THUMPD2: variants seen among roughly 807,000 people sequenced by gnomAD.
THUMPD2 encodes the protein THUMP domain 2 tRNA and snRNA guanosine methyltransferase.
Under a neutral mutation model 49.4 loss-of-function variants are expected in THUMPD2, and 56 were observed. The ratio of observed to expected loss-of-function variants is 1.13; its 90% CI spans 0.91 to 1.41. The LOEUF (loss-of-function observed/expected upper bound fraction) is 1.41, where lower values mean the gene tolerates loss of function less well. Ranked by LOEUF, THUMPD2 falls within the 40% of genes most tolerant of loss-of-function variation. The pLI, the probability that THUMPD2 is intolerant of heterozygous loss-of-function variation, is 0.00. For missense variants in THUMPD2, 709 were observed against 594.5 expected (o/e 1.19, Z -2.00); for synonymous variants, 237 against 205.2 (o/e 1.15, Z -1.32).
At chr2:39,751,613 T>C (rs1675411043) in intron 8 of THUMPD2, among the ~76,000 whole-genome samples, 1 of 152,156 alleles carries the variant, frequency 6.6e-6, no homozygotes, top group Non-Finnish European at 1.5e-5. Flanking sequence ...ATAATATTCA[T>C]TTGATTCTAA....
At chr2:39,767,020 G>T (rs1223412459) in intron 4 of THUMPD2, among the ~76,000 whole-genome samples, 1 of 152,144 alleles carries the variant, frequency 6.6e-6, no homozygotes, top group Non-Finnish European at 1.5e-5. Context: ...ATTAAGAATA[G>T]CCTCTCCCAC....
At chr2:39,748,408 AT>A (rs1463626340) in intron 8 of THUMPD2, among the ~76,000 whole-genome samples, 1 of 152,182 alleles carries the variant, frequency 6.6e-6, no homozygotes, top group South Asian at 2.1e-4. Context: ...TTCTGTGTAT[AT>A]TTTAAAAAGA....
At chr2:39,747,970 C>T (rs1322412706) in intron 8 of THUMPD2, among the ~76,000 whole-genome samples, 1 of 152,126 alleles carries the variant, frequency 6.6e-6, no homozygotes, top group Non-Finnish European at 1.5e-5. Flanking sequence ...GAGATTCTTT[C>T]CATACCATAT....
intron 8 of THUMPD2, among the ~76,000 whole-genome samples, chr2:39,746,836 C>G (rs888102668): frequency 4.6e-5 from 7 of 152,116 alleles, no homozygotes; most frequent in African/African-American, 1.7e-4. Context: ...GTTCATTGAG[C>G]ACTTTTATAA....
At chr2:39,755,758 GA>G (rs776088034) in intron 7 of THUMPD2, 130 bp downstream of exon 7, 5 of 681,518 alleles carry the variant, frequency 7.3e-6, no homozygotes, top group Non-Finnish European at 1.2e-5. Flanking sequence ...CATCTATTTT[GA>G]GTAAATAATA....
chr2:39,749,072 T>C (rs1388870098), intron 8 of THUMPD2, among the ~76,000 whole-genome samples: 1 of 152,170 alleles, frequency 6.6e-6, no homozygotes, highest in African/African-American at 2.4e-5. Flanking sequence ...AATTATGAAT[T>C]ATATGGGTAT....
Position 39,771,534 on chromosome 2 carries a change from A to G in THUMPD2, c.233T>C (p.Phe78Ser). 1 of 1,607,158 alleles carries G rather than the reference A, an allele frequency of 6.2e-7. No homozygotes were observed. The highest frequency in any genetic ancestry group is 1.1e-5 in the South Asian group (1 of 88,874). Residue 78 changes from phenylalanine to serine, a missense_variant, in exon 2 of 10, where the codon TTT becomes TCT. Phe to Ser is a radical substitution (Grantham distance 155, BLOSUM62 -2). Transcript: ENST00000505747. ...ERLFLLIKKQ[F>S]PLIISSVSKG... ...ACTTACAGAAGAAATAATAAGTGGA[A>G]ACTGCTTTTTAATCAGCAAAAATAA...
intron 1 of THUMPD2, among the ~76,000 whole-genome samples, chr2:39,775,128 G>A (rs920030396): frequency 6.6e-6 from 1 of 152,028 alleles, no homozygotes; most frequent in East Asian, 1.9e-4. Context: ...AAAAGTAAAT[G>A]AGCTGGGCAC....
Position 39,762,925 on chromosome 2 carries a change from G to A in THUMPD2, c.804-1507C>T, listed in dbSNP as rs146830850. Among the ~76,000 whole-genome samples the A allele has an allele frequency of 5.0e-3, 762 of 151,820 alleles. 8 individuals carry two copies. The highest frequency in any genetic ancestry group is 0.017 in the African/African-American group (708 of 41,408). ...TATTTCTGCTAATAGAAGTTTTTGT[G>A]GGACATAATTCTATTAATATTTGAC... On this transcript the variant is annotated intron_variant, in intron 5 of 9. Coordinates refer to ENST00000505747, the MANE Select transcript of THUMPD2 (RefSeq NM_025264.5).
intron 1 of THUMPD2, among the ~76,000 whole-genome samples, chr2:39,778,609 C>T (rs984750231): frequency 1.3e-5 from 2 of 152,204 alleles, no homozygotes; most frequent in African/African-American, 4.8e-5. Context: ...AACTATGAGG[C>T]CTGCAAGAGT....
chr2:39,744,515 G>A (rs1674315845), intron 8 of THUMPD2, 37 bp from the exon 9 acceptor site: 1 of 1,305,056 alleles, frequency 7.7e-7, no homozygotes, highest in Non-Finnish European at 1.1e-6. Context: ...ATTACAGTAG[G>A]GTCAAATATT....
intron 3 of THUMPD2, chr2:39,769,479 A>G: frequency 2.5e-6 from 1 of 393,656 alleles, no homozygotes. Flanking sequence ...AGGTGGTTGG[A>G]TCACTTGAGG....
intron 2 of THUMPD2, among the ~76,000 whole-genome samples, chr2:39,770,916 G>A (rs903721962): frequency 6.6e-6 from 1 of 152,032 alleles, no homozygotes; most frequent in African/African-American, 2.4e-5. Context: ...ATTTAATCCT[G>A]CAGTGTCTGA....
At chr2:39,755,213 A>T in intron 8 of THUMPD2, 82 bp downstream of exon 8, 1 of 946,580 alleles carries the variant, frequency 1.1e-6, no homozygotes, top group Non-Finnish European at 1.5e-6. Context: ...ACCTTTACAT[A>T]GTGAGACTTG....
intron 1 of THUMPD2, among the ~76,000 whole-genome samples, chr2:39,775,154 T>C (rs147841308): frequency 9.7e-4 from 148 of 152,242 alleles, no homozygotes; most frequent in Middle Eastern, 3.4e-3. Context: ...CATATGCCTG[T>C]AGTCCAAGAG....
intron 1 of THUMPD2, among the ~76,000 whole-genome samples, chr2:39,778,407 G>T (rs1398979035): frequency 6.6e-6 from 1 of 152,228 alleles, no homozygotes; most frequent in Non-Finnish European, 1.5e-5. Context: ...AGCTGCCAGG[G>T]TGGAGGGGTT....
chr2:39,748,182 T>C lies in THUMPD2; in HGVS notation c.1079-3704A>G, dbSNP rs569302211. Among the ~76,000 whole-genome samples, 13 of 152,310 alleles carry C rather than the reference T, an allele frequency of 8.5e-5. No individual in the cohort carries two copies. In the East Asian group the frequency reaches 1.2e-3, roughly 14 times the overall value. ...GAATCCTTTGATTATAGATTTCCAG[T>C]ATATTCTGAATAAAATGCCATCAAA... On this transcript the variant is annotated intron_variant, in intron 8 of 9. Transcript: ENST00000505747.
At chr2:39,747,215 C>G (rs1463242054) in intron 8 of THUMPD2, among the ~76,000 whole-genome samples, 1 of 152,128 alleles carries the variant, frequency 6.6e-6, no homozygotes, top group Non-Finnish European at 1.5e-5. Context: ...TGTAAATAAC[C>G]ACTATTCTAT....
chr2:39,761,507 T>A, intron 5 of THUMPD2, 89 bp from the exon 6 acceptor site: 2 of 1,203,174 alleles, frequency 1.7e-6, no homozygotes, highest in Non-Finnish European at 2.4e-6. Context: ...GAGAATCATT[T>A]AAACATATTC....
Sources: allele counts gnomAD v4.1 joint callset (sites outside exome capture counted in the v4.1 genomes callset), GRCh38; gene constraint gnomAD v4.1.1; transcripts MANE v1.5; gene names NCBI Gene and HGNC (gene_info 2026-07-23, HGNC 2026-07-21).